DTNA: variants seen among roughly 807,000 people sequenced by gnomAD.
DTNA encodes the protein dystrophin-related protein 3.
In DTNA, 43 loss-of-function variants were observed where a neutral mutation model predicts 100.7. That is an observed-to-expected ratio of 0.43 (90% CI 0.33 to 0.55). The LOEUF (loss-of-function observed/expected upper bound fraction) is 0.55, where lower values mean the gene tolerates loss of function less well. DTNA is among the 20% of genes least tolerant of loss of function. The probability of loss-of-function intolerance (pLI) is 0.04; values close to 1 mark genes in which losing one functional copy is unlikely to be tolerated. For synonymous variants in DTNA, 349 were observed against 347.9 expected (o/e 1.00, Z -0.04); for missense variants, 798 against 953.9 (o/e 0.84, Z 2.15).
At chr18:34,789,849 T>A (rs977183525) in intron 3 of DTNA, among the ~76,000 whole-genome samples, 10 of 152,234 alleles carry the variant, frequency 6.6e-5, no homozygotes, top group African/African-American at 2.4e-4. Context: ...ATTATAATAA[T>A]AAACAACTAT....
rs2044714569 is a variant in DTNA, at chr18:34,545,763, C to A, written c.-2+52249C>A. On this transcript the variant is annotated intron_variant, in intron 1 of 19. Transcript: ENST00000283365. ...TCTTAAATATTTTTATTATAAATGG[C>A]AATAGGTAGAATTTAATGCAGTTTG... 2.0e-5 allele frequency among the ~76,000 whole-genome samples: 3 copies of A among 151,894 alleles called. No individual in the cohort carries two copies. In the South Asian group the frequency reaches 6.2e-4, roughly 31 times the overall value.
intron 3 of DTNA, among the ~76,000 whole-genome samples, chr18:34,774,501 T>C (rs180680610): frequency 1.3e-5 from 2 of 152,334 alleles, no homozygotes; most frequent in African/African-American, 4.8e-5. Context: ...TAACATTCAT[T>C]GTTATTAGCA....
At chr18:34,808,440 G>C (rs1246045009) in intron 5 of DTNA, among the ~76,000 whole-genome samples, 2 of 152,294 alleles carry the variant, frequency 1.3e-5, no homozygotes, top group East Asian at 3.9e-4. Flanking sequence ...TTACTGGTTA[G>C]AGAAAAAGTA....
intron 1 of DTNA, among the ~76,000 whole-genome samples, chr18:34,561,514 G>GA (rs547932289): frequency 1.7e-3 from 254 of 152,004 alleles, no homozygotes; most frequent in African/African-American, 5.8e-3. Context: ...CAGTTGAGTT[G>GA]AAAAAAAGTA....
intron 17 of DTNA, chr18:34,867,178 C>T: frequency 4.1e-6 from 5 of 1,231,294 alleles, no homozygotes; most frequent in Non-Finnish European, 5.1e-6. Context: ...TTCATTTCTT[C>T]TGTATGCTCT....
intron 4 of DTNA, among the ~76,000 whole-genome samples, chr18:34,803,997 A>G (rs1159943727): frequency 1.3e-5 from 2 of 152,234 alleles, no homozygotes; most frequent in Non-Finnish European, 2.9e-5. Flanking sequence ...GGATCTCACA[A>G]TGTAGAATCC....
rs924111641 is a variant in DTNA at position 34,890,800 on chromosome 18, T to C, written c.*3066T>C. 1 of 262,362 alleles carries C rather than the reference T, an allele frequency of 3.8e-6. No homozygotes were observed. Among genetic ancestry groups the C allele is most frequent in the African/African-American group, 2.2e-5 (1 of 45,800 alleles). The allele number at this position is 262,362 out of a possible 1,614,324, so 16.3% of individuals were successfully genotyped here. On this transcript the variant is annotated 3_prime_UTR_variant, in exon 23 of 23. Transcript: ENST00000444659. ...TTTGTAAGTAGTAATGTGAACTGAA[T>C]TGCATTAAGAGTGTGTGGCCTTTGT...
At chr18:34,663,238 T>G (rs1323924286) in intron 1 of DTNA, among the ~76,000 whole-genome samples, 1 of 152,102 alleles carries the variant, frequency 6.6e-6, no homozygotes, top group African/African-American at 2.4e-5. Flanking sequence ...ACTGCAGCCT[T>G]GACCCCGTGG....
At chr18:34,610,351 G>T (rs2053986071) in intron 1 of DTNA, among the ~76,000 whole-genome samples, 1 of 152,166 alleles carries the variant, frequency 6.6e-6, no homozygotes, top group Non-Finnish European at 1.5e-5. Flanking sequence ...ACTGAGGCAG[G>T]AGAGATTAAG....
intron 1 of DTNA, among the ~76,000 whole-genome samples, chr18:34,620,495 A>G (rs2056273673): frequency 6.6e-6 from 1 of 152,206 alleles, no homozygotes; most frequent in Non-Finnish European, 1.5e-5. Flanking sequence ...TTATTCTCAC[A>G]TTGCTATAAA....
intron 1 of DTNA, among the ~76,000 whole-genome samples, chr18:34,753,836 A>G (rs2092580952): frequency 6.6e-6 from 1 of 152,236 alleles, no homozygotes; most frequent in Non-Finnish European, 1.5e-5. Flanking sequence ...ATTTTGTGAA[A>G]GTCAGTATTA....
intron 1 of DTNA, among the ~76,000 whole-genome samples, chr18:34,526,659 C>T (rs907949949): frequency 1.3e-5 from 2 of 151,986 alleles, no homozygotes; most frequent in African/African-American, 4.8e-5. Flanking sequence ...TTTGGTGGAC[C>T]TATACTTCAT....
At chr18:34,721,530 G>A (rs1156742094) in intron 1 of DTNA, among the ~76,000 whole-genome samples, 1 of 152,030 alleles carries the variant, frequency 6.6e-6, no homozygotes, top group Admixed American at 6.6e-5. Flanking sequence ...AAACAAAAAC[G>A]TGACGCAGTT....
At position 34,889,937 on chromosome 18, in the gene DTNA, A is replaced by G; in HGVS notation, c.*2203A>G. 1.9e-6 allele frequency: 2 copies of G among 1,052,186 alleles called. No individual in the cohort carries two copies. Among genetic ancestry groups the G allele is most frequent in the Non-Finnish European group, 2.3e-6 (2 of 871,224 alleles). 65.2% of individuals were successfully genotyped at this position (1,052,186 alleles called of 1,614,324 possible). On this transcript the variant is annotated 3_prime_UTR_variant, in exon 23 of 23. Transcript: ENST00000444659. ...GAACCCATACCTCTCTAGATGGAGCAGGTGGCCACTGGTGCCTCATACTCA... is the reference window on the plus strand; with the variant it reads ...GAACCCATACCTCTCTAGATGGAGCGGGTGGCCACTGGTGCCTCATACTCA...
At chr18:34,532,821 T>C (rs943236845) in intron 1 of DTNA, among the ~76,000 whole-genome samples, 4 of 151,676 alleles carry the variant, frequency 2.6e-5, no homozygotes, top group Non-Finnish European at 4.4e-5. Flanking sequence ...TTAGAAGCCA[T>C]GTGGTCAGGG....
chr18:34,732,765 A>G (rs2088605302), intron 1 of DTNA, among the ~76,000 whole-genome samples: 1 of 152,198 alleles, frequency 6.6e-6, no homozygotes, highest in East Asian at 1.9e-4. Flanking sequence ...GCTCAGTTAA[A>G]TTTCAATTTC....
chr18:34,736,518 C>CAG (rs976929868), intron 1 of DTNA, among the ~76,000 whole-genome samples: 25 of 152,054 alleles, frequency 1.6e-4, no homozygotes, highest in African/African-American at 6.0e-4. Context: ...GAAGATTGTA[C>CAG]AGACAGAATC....
intron 3 of DTNA, among the ~76,000 whole-genome samples, chr18:34,771,514 A>G (rs1346969540): frequency 6.6e-6 from 1 of 151,988 alleles, no homozygotes; most frequent in African/African-American, 2.4e-5. Context: ...ACAAAAACAC[A>G]CTTGTAAAAA....
At chr18:34,798,687 T>C (rs879804782) in intron 4 of DTNA, among the ~76,000 whole-genome samples, 2 of 152,212 alleles carry the variant, frequency 1.3e-5, no homozygotes, top group Non-Finnish European at 1.5e-5. Context: ...GTTAAAAATA[T>C]TAAAAGGAAC....
Sources: allele counts gnomAD v4.1 joint callset (sites outside exome capture counted in the v4.1 genomes callset), GRCh38; gene constraint gnomAD v4.1.1; transcripts MANE v1.5; gene names NCBI Gene and HGNC (gene_info 2026-07-23, HGNC 2026-07-21).